The following PDGFRA variants were observed in gnomAD, a reference collection of about 807,000 sequenced individuals.
PDGFRA encodes the protein platelet derived growth factor receptor alpha, also known as platelet-derived growth factor receptor alpha.
A neutral mutation model predicts 121.5 loss-of-function variants in PDGFRA; 25 were observed. That is an observed-to-expected ratio of 0.21 (90% CI 0.15 to 0.29). PDGFRA has a LOEUF of 0.29. PDGFRA is among the 10% of genes least tolerant of loss of function. PDGFRA has a pLI of 1.00. For synonymous variants in PDGFRA, 463 were observed against 494.8 expected, an observed-to-expected ratio of 0.94 and a Z score of 0.85; for missense variants, 1,008 against 1,345.1, an observed-to-expected ratio of 0.75 and a Z score of 3.92.
chr4:54,273,946 A>C (rs1470345503), intron 10 of PDGFRA, among the ~76,000 whole-genome samples: 1 of 152,238 alleles, frequency 6.6e-6, no homozygotes, highest in African/African-American at 2.4e-5. Context: ...CAATGGCACA[A>C]TATTGGCTCA....
rs34529347 is a variant in PDGFRA at position 54,296,367 on chromosome 4, G to GTTTTTT, written c.*1106_*1111dup. 2.4e-5 allele frequency: 5 copies of GTTTTTT among 204,278 alleles called. No homozygotes were observed. The highest frequency in any genetic ancestry group is 4.7e-5 in the African/African-American group (2 of 42,434). 12.7% of individuals were successfully genotyped at this position (204,278 alleles called of 1,614,324 possible). On this transcript the variant is annotated 3_prime_UTR_variant, in exon 23 of 23. Coordinates refer to ENST00000257290, the MANE Select transcript of PDGFRA (RefSeq NM_006206.6). ...CAGCAAAAAGACTGGATTTGCAGAA[G>GTTTTTT]TTTTTTTTTTTTTTTTCTTCATGCC...
rs113498710 is a variant in PDGFRA, at chr4:54,267,291, A to G, written c.762A>G (p.Lys254=). The change falls in exon 6 of 23, where the codon AAA becomes AAG. Residue 254 remains lysine (K), a splice_region_variant and synonymous_variant. Transcript: ENST00000257290. ...GTTTTCTTCCCCTTTTGCTGTAGAA[A>G]GGCAAAGGCATCACAATGCTGGAAG... ...DLQWTYPGEV[K]GKGITMLEEI... 1.2e-6 allele frequency: 2 copies of G among 1,614,154 alleles called. No homozygotes were observed. Among genetic ancestry groups the G allele is most frequent in the Non-Finnish European group, 1.7e-6 (2 of 1,179,984 alleles).
chr4:54,266,659 A>G (rs1184780386), intron 5 of PDGFRA, among the ~76,000 whole-genome samples: 5 of 152,198 alleles, frequency 3.3e-5, no homozygotes, highest in Non-Finnish European at 7.3e-5. Flanking sequence ...GTATAGCACA[A>G]ACACCTTATA....
At chr4:54,288,591 G>A (rs1724468557) in intron 19 of PDGFRA, among the ~76,000 whole-genome samples, 1 of 152,058 alleles carries the variant, frequency 6.6e-6, no homozygotes, top group African/African-American at 2.4e-5. Context: ...ATGGTACTTG[G>A]ACTTGACCAA....
intron 10 of PDGFRA, among the ~76,000 whole-genome samples, chr4:54,274,276 CA>C (rs1243903931): frequency 2.0e-5 from 3 of 152,168 alleles, no homozygotes; most frequent in African/African-American, 7.2e-5. Context: ...ACTGTTGGAG[CA>C]ACTTTGGAGA....
At chr4:54,260,397 G>GTTTTTTTT (rs68009440) in intron 2 of PDGFRA, among the ~76,000 whole-genome samples, 2 of 64,602 alleles carry the variant, frequency 3.1e-5, no homozygotes, top group African/African-American at 1.4e-4. Context: ...TTCCATGTGG[G>GTTTTTTTT]TTTTTTTTTT....
At chr4:54,241,862 A>G (rs935120612) in intron 1 of PDGFRA, among the ~76,000 whole-genome samples, 4 of 152,128 alleles carry the variant, frequency 2.6e-5, no homozygotes, top group African/African-American at 9.7e-5. Flanking sequence ...CAGGAAATTT[A>G]TATATAATAC....
intron 1 of PDGFRA, among the ~76,000 whole-genome samples, chr4:54,249,642 G>C (rs1021514332): frequency 6.6e-6 from 1 of 152,080 alleles, no homozygotes; most frequent in African/African-American, 2.4e-5. Context: ...TTGTGGGGTG[G>C]GGGTAGTGGG....
intron 1 of PDGFRA, among the ~76,000 whole-genome samples, chr4:54,247,720 A>T (rs1321401642): frequency 6.6e-6 from 1 of 152,232 alleles, no homozygotes; most frequent in African/African-American, 2.4e-5. Flanking sequence ...CGTTCTGGCC[A>T]GGGCAATTAG....
At chr4:54,285,714 G>A (rs1724321078) in intron 17 of PDGFRA, 127 bp from the exon 18 acceptor site, 4 of 1,035,994 alleles carry the variant, frequency 3.9e-6, no homozygotes, top group Non-Finnish European at 6.0e-6. Flanking sequence ...GAACCTGGGA[G>A]AAGGCCAGCC....
intron 2 of PDGFRA, 139 bp downstream of exon 2, chr4:54,258,956 C>T (rs1722532679): frequency 1.3e-6 from 1 of 746,458 alleles, no homozygotes; most frequent in Non-Finnish European, 2.4e-6. Context: ...AGGACGTTAT[C>T]CAGAATGACC....
At chr4:54,262,427 A>G (rs1722802135) in intron 3 of PDGFRA, among the ~76,000 whole-genome samples, 2 of 152,180 alleles carry the variant, frequency 1.3e-5, no homozygotes, top group Non-Finnish European at 2.9e-5. Flanking sequence ...CAATTTCAGT[A>G]TGCAGTTGGG....
At chr4:54,264,306 G>A (rs778540197) in intron 4 of PDGFRA, 22 of 352,252 alleles carry the variant, frequency 6.2e-5, no homozygotes, top group Non-Finnish European at 1.0e-4. Context: ...TTTGAAGAAA[G>A]TAGTTTAGAC....
At chr4:54,245,280 G>C (rs933245557) in intron 1 of PDGFRA, among the ~76,000 whole-genome samples, 1 of 151,572 alleles carries the variant, frequency 6.6e-6, no homozygotes, top group African/African-American at 2.4e-5. Context: ...ATTCACCAAA[G>C]TTGAAGGAAA....
At chr4:54,262,187 C>T (rs1217605314) in intron 3 of PDGFRA, among the ~76,000 whole-genome samples, 2 of 151,948 alleles carry the variant, frequency 1.3e-5, no homozygotes, top group Admixed American at 6.6e-5. Flanking sequence ...GCTTCGGCCT[C>T]CCAAAATGCT....
At chr4:54,268,895 G>A (rs776609819) in intron 7 of PDGFRA, among the ~76,000 whole-genome samples, 5 of 152,160 alleles carry the variant, frequency 3.3e-5, no homozygotes, top group Non-Finnish European at 7.3e-5. Context: ...GGCAGGACAG[G>A]CTCGCCAACT....
At chr4:54,269,837 G>A (rs796726379) in intron 7 of PDGFRA, among the ~76,000 whole-genome samples, 55 of 150,636 alleles carry the variant, frequency 3.7e-4, no homozygotes, top group African/African-American at 1.2e-3. Context: ...TTTTAGTAGA[G>A]ATGGGGGTTT....
Position 54,244,593 on chromosome 4 carries a change from G to A in PDGFRA, c.-12-14164G>A, listed in dbSNP as rs188284994. Among the ~76,000 whole-genome samples the A allele has an allele frequency of 2.5e-3, 383 of 152,258 alleles. 1 individual carries two copies. The highest frequency in any genetic ancestry group is 9.0e-3 in the African/African-American group (375 of 41,530). The stretch of plus-strand genomic sequence containing the variant: ...ACATCACCATCATCAAAGACCGAAA[G>A]TAGATAAAACCACAAAGATGGGGAA... On this transcript the variant is annotated intron_variant, in intron 1 of 22. Transcript: ENST00000257290.
Position 54,258,776 on chromosome 4 carries a change from C to T in PDGFRA, c.8C>T (p.Thr3Ile), listed in dbSNP as rs2110235027. 1.9e-6 allele frequency: 3 copies of T among 1,613,044 alleles called. No individual in the cohort carries two copies. Among genetic ancestry groups the T allele is most frequent in the Non-Finnish European group, 2.5e-6 (3 of 1,178,974 alleles). The stretch of plus-strand genomic sequence containing the variant: ...TTCTAGTTTCCCAGAGCTATGGGGA[C>T]TTCCCATCCGGCGTTCCTGGTCTTA... MG[T>I]SHPAFLVLGC... Residue 3 changes from threonine (T) to isoleucine (I), a missense_variant, in exon 2 of 23, where the codon ACT (threonine) becomes ATT (isoleucine). Coordinates refer to ENST00000257290, the MANE Select transcript of PDGFRA (RefSeq NM_006206.6).
Sources: allele counts gnomAD v4.1 joint callset (sites outside exome capture counted in the v4.1 genomes callset), GRCh38; gene constraint gnomAD v4.1.1; transcripts MANE v1.5; gene names NCBI Gene and HGNC (gene_info 2026-07-23, HGNC 2026-07-21).